The following SPATS2L variants were observed in gnomAD, a reference collection of about 807,000 sequenced individuals.
SPATS2L encodes the protein SPATS2-like protein.
SPATS2L carries 30 observed loss-of-function variants against 59.6 expected under a neutral mutation model. The ratio of observed to expected loss-of-function variants is 0.50; its 90% CI spans 0.38 to 0.68. The LOEUF (loss-of-function observed/expected upper bound fraction) is 0.68. Among genes scored for constraint, SPATS2L ranks in the 30% least tolerant of loss-of-function variants. SPATS2L has a pLI of 0.00. For missense variants in SPATS2L, 615 were observed against 700.0 expected (o/e 0.88, Z 1.37); for synonymous variants, 252 against 263.5 (o/e 0.96, Z 0.42).
intron 6 of SPATS2L, among the ~76,000 whole-genome samples, chr2:200,424,408 G>C (rs751968449): frequency 6.6e-6 from 1 of 152,092 alleles, no homozygotes; most frequent in Non-Finnish European, 1.5e-5. Context: ...AAAATCCTTT[G>C]AGCCCAGGAG....
At chr2:200,438,064 T>C (rs1485241835) in intron 6 of SPATS2L, among the ~76,000 whole-genome samples, 2 of 152,078 alleles carry the variant, frequency 1.3e-5, no homozygotes, top group Non-Finnish European at 2.9e-5. Context: ...ATGGAAGCCT[T>C]GTGTTAAAAT....
chr2:200,477,876 C>A lies in SPATS2L; in HGVS notation c.1522C>A (p.Pro508Thr). Residue 508 changes from proline (P) to threonine (T), a missense_variant, in exon 13 of 13, where the codon CCC (proline) becomes ACC (threonine). Physicochemically the swap from Pro to Thr is conservative, Grantham distance 38 (BLOSUM62 -1). Coordinates refer to ENST00000409140, the MANE Select transcript of SPATS2L (RefSeq NM_001100423.2). ...TPEAPAHSEK[P>T]RRRQHAADTS... Reference sequence around the variant, plus strand: ...CGAGGCCCCGGCCCATTCTGAAAAGCCCCGGCGAAGGCAGCACGCTGCAGA... The same window carrying A: ...CGAGGCCCCGGCCCATTCTGAAAAGACCCGGCGAAGGCAGCACGCTGCAGA... 2 of 1,605,028 alleles carry A rather than the reference C, an allele frequency of 1.2e-6. No individual in the cohort carries two copies. The highest frequency in any genetic ancestry group is 1.7e-6 in the Non-Finnish European group (2 of 1,175,770).
At chr2:200,325,360 CTTGGACTGT>C (rs1178973341) in intron 1 of SPATS2L, among the ~76,000 whole-genome samples, 1 of 152,022 alleles carries the variant, frequency 6.6e-6, no homozygotes, top group East Asian at 1.9e-4. Flanking sequence ...ATCCAAGATT[CTTGGACTGT>C]AGGAATCTTT....
intron 12 of SPATS2L, among the ~76,000 whole-genome samples, chr2:200,473,386 G>A (rs2087232597): frequency 2.0e-5 from 3 of 152,290 alleles, no homozygotes; most frequent in South Asian, 4.1e-4. Flanking sequence ...CAGCCCACAC[G>A]TGGAAGGGAC....
upstream of SPATS2L, chr2:200,306,008 C>T (rs2079002644): frequency 1.0e-6 from 1 of 984,716 alleles, no homozygotes. Flanking sequence ...GGCTGAAGCC[C>T]ACGATGCCCA....
chr2:200,400,818 C>T (rs2082502051), intron 3 of SPATS2L, among the ~76,000 whole-genome samples: 1 of 152,100 alleles, frequency 6.6e-6, no homozygotes, highest in Non-Finnish European at 1.5e-5. Context: ...AATAAATTTG[C>T]TTTTTTTCCA....
At chr2:200,379,873 A>G (rs1437650409) in intron 2 of SPATS2L, among the ~76,000 whole-genome samples, 2 of 152,166 alleles carry the variant, frequency 1.3e-5, no homozygotes, top group African/African-American at 4.8e-5. Context: ...ACATCATCGC[A>G]TCTTGAAAGA....
At chr2:200,434,872 G>A (rs1471431062) in intron 6 of SPATS2L, among the ~76,000 whole-genome samples, 1 of 152,034 alleles carries the variant, frequency 6.6e-6, no homozygotes, top group African/African-American at 2.4e-5. Context: ...AAAATGCAAA[G>A]GACCTAAGAT....
chr2:200,353,105 T>C (rs2080797039), intron 2 of SPATS2L, among the ~76,000 whole-genome samples: 1 of 152,220 alleles, frequency 6.6e-6, no homozygotes, highest in South Asian at 2.1e-4. Flanking sequence ...TATCAAGGAC[T>C]TCCTTGATCA....
intron 2 of SPATS2L, among the ~76,000 whole-genome samples, chr2:200,336,125 CA>C (rs964910827): frequency 6.6e-6 from 1 of 151,950 alleles, no homozygotes; most frequent in Non-Finnish European, 1.5e-5. Flanking sequence ...ATATTGCAAG[CA>C]AAAAAAGAAT....
rs950792367 is a variant in SPATS2L at position 200,481,005 on chromosome 2, A to G, written c.*2974A>G. On this transcript the variant is annotated 3_prime_UTR_variant, in exon 13 of 13. Transcript: ENST00000409140. ...TGTGGCACTTAGATCTTCCACCAAG[A>G]CTTCATCCGTGAAATCCACACCTCC... 5 of 152,232 alleles carry G rather than the reference A, an allele frequency of 3.3e-5. No homozygotes were observed. The highest frequency in any genetic ancestry group is 5.9e-5 in the Non-Finnish European group (4 of 68,048). The allele number at this position is 152,232 out of a possible 1,614,324, so 9.4% of individuals were successfully genotyped here.
intron 3 of SPATS2L, among the ~76,000 whole-genome samples, chr2:200,394,962 C>T (rs2082286281): frequency 6.6e-6 from 1 of 152,172 alleles, no homozygotes; most frequent in African/African-American, 2.4e-5. Flanking sequence ...CCAAATGTCA[C>T]TCTGTGAAGG....
chr2:200,334,221 T>G (rs1196748607), intron 2 of SPATS2L, among the ~76,000 whole-genome samples: 2 of 152,206 alleles, frequency 1.3e-5, no homozygotes, highest in Admixed American at 6.5e-5. Flanking sequence ...GGTATCTCAT[T>G]ATGGTTTTGA....
chr2:200,317,703 T>C (rs1392898817), intron 1 of SPATS2L, among the ~76,000 whole-genome samples: 1 of 152,242 alleles, frequency 6.6e-6, no homozygotes, highest in African/African-American at 2.4e-5. Flanking sequence ...AAAAAAGGCA[T>C]GTTTACATCC....
chr2:200,412,722 A>G (rs1357500448), intron 4 of SPATS2L, among the ~76,000 whole-genome samples: 1 of 152,134 alleles, frequency 6.6e-6, no homozygotes, highest in Non-Finnish European at 1.5e-5. Context: ...TAATAGTGCT[A>G]CTAATTTCCT....
intron 2 of SPATS2L, among the ~76,000 whole-genome samples, chr2:200,332,064 TTGAA>T (rs1409295363): frequency 6.6e-6 from 1 of 152,182 alleles, no homozygotes; most frequent in Non-Finnish European, 1.5e-5. Flanking sequence ...GCTTTAAAAT[TTGAA>T]TGAACATTTT....
intron 5 of SPATS2L, among the ~76,000 whole-genome samples, chr2:200,418,329 T>C (rs1324570823): frequency 6.6e-6 from 1 of 152,022 alleles, no homozygotes; most frequent in Non-Finnish European, 1.5e-5. Context: ...TCTCAGCACT[T>C]TGGGAGGCAG....
chr2:200,372,581 C>A (rs2081465131), intron 2 of SPATS2L, among the ~76,000 whole-genome samples: 1 of 152,158 alleles, frequency 6.6e-6, no homozygotes, highest in South Asian at 2.1e-4. Context: ...AGCTTTACAT[C>A]TACGATTCTA....
intron 1 of SPATS2L, among the ~76,000 whole-genome samples, chr2:200,318,140 C>T (rs939774704): frequency 6.6e-6 from 1 of 152,188 alleles, no homozygotes; most frequent in African/African-American, 2.4e-5. Flanking sequence ...TCACATACTG[C>T]CCTGATCGAC....
Sources: allele counts gnomAD v4.1 joint callset (sites outside exome capture counted in the v4.1 genomes callset), GRCh38; gene constraint gnomAD v4.1.1; transcripts MANE v1.5; gene names NCBI Gene and HGNC (gene_info 2026-07-23, HGNC 2026-07-21).